Variants in EIF4G3 observed in about 807,000 individuals in gnomAD.
The protein encoded by EIF4G3 is eukaryotic translation initiation factor 4 gamma 3.
Under a neutral mutation model 186.4 loss-of-function variants are expected in EIF4G3, and 34 were observed. The observed-to-expected ratio is 0.18, with a 90% CI of 0.14 to 0.24. EIF4G3 has a LOEUF of 0.24. Among genes scored for constraint, EIF4G3 ranks in the 10% least tolerant of loss-of-function variants. The pLI is 1.00. For synonymous variants in EIF4G3, 673 were observed against 679.5 expected, an observed-to-expected ratio of 0.99 and a Z score of 0.15; for missense variants, 1,536 against 1,948.5, an observed-to-expected ratio of 0.79 and a Z score of 3.99.
chr1:20,818,562 A>G (rs1254065085), intron 33 of EIF4G3, among the ~76,000 whole-genome samples: 2 of 152,096 alleles, frequency 1.3e-5, no homozygotes, highest in Non-Finnish European at 1.5e-5. Context: ...GGATTGCTTG[A>G]GCATGGGAGG....
chr1:21,108,690 G>GCT (rs974212161), intron 2 of EIF4G3, among the ~76,000 whole-genome samples: 1 of 151,906 alleles, frequency 6.6e-6, no homozygotes, highest in Admixed American at 6.6e-5. Flanking sequence ...GATTACCTGA[G>GCT]CTCAGGTGTT....
At chr1:20,846,518 C>T (rs1348038047) in intron 29 of EIF4G3, among the ~76,000 whole-genome samples, 2 of 152,188 alleles carry the variant, frequency 1.3e-5, no homozygotes, top group African/African-American at 4.8e-5. Context: ...CATCAAATCA[C>T]ATAATTTTAG....
rs1421845981 is a variant in EIF4G3 at position 20,857,474 on chromosome 1, C to T, written c.3268G>A (p.Gly1090Arg). The T allele has an allele frequency of 1.9e-6, 3 of 1,614,148 alleles. No individual in the cohort carries two copies. Among genetic ancestry groups the T allele is most frequent in the South Asian group, 2.2e-5 (2 of 91,088 alleles). ...RPGVQRVDEG[G>R]WNTVQGAKNS... ...TTGGCCCCTTGTACAGTGTTCCACC[C>T]ACCTTCGTCCACTCTCTGGACACCT... is the stretch of plus-strand genomic sequence containing the variant. Residue 1090 changes from glycine to arginine, a missense_variant, in exon 25 of 37, where the codon GGG becomes AGG. Physicochemically the swap from Gly to Arg is moderately radical, Grantham distance 125. Coordinates refer to ENST00000602326, the MANE Select transcript of EIF4G3 (RefSeq NM_001391906.1).
chr1:21,079,453 A>T (rs1409148757), intron 3 of EIF4G3, among the ~76,000 whole-genome samples: 2 of 146,478 alleles, frequency 1.4e-5, no homozygotes, highest in Non-Finnish European at 3.0e-5. Context: ...AAATTGCTTG[A>T]GTTCAGGAGT....
intron 28 of EIF4G3, among the ~76,000 whole-genome samples, chr1:20,850,400 T>C (rs16824702): frequency 0.026 from 3,978 of 152,282 alleles, 169 homozygotes; most frequent in African/African-American, 0.089. Flanking sequence ...GTTACACCAA[T>C]TGGGAGAAGA....
intron 33 of EIF4G3, among the ~76,000 whole-genome samples, chr1:20,818,701 G>T (rs2061612569): frequency 6.6e-6 from 1 of 152,024 alleles, no homozygotes; most frequent in Admixed American, 6.6e-5. Context: ...CTAAAGAAAT[G>T]AAGTACATAG....
intron 4 of EIF4G3, among the ~76,000 whole-genome samples, chr1:21,015,491 G>C (rs901759946): frequency 5.9e-5 from 9 of 152,054 alleles, no homozygotes; most frequent in Non-Finnish European, 1.2e-4. Context: ...AAAAGTAAAA[G>C]ACAGGCTAGG....
intron 2 of EIF4G3, among the ~76,000 whole-genome samples, chr1:21,148,308 C>T (rs2097487828): frequency 6.6e-6 from 1 of 152,136 alleles, no homozygotes; most frequent in South Asian, 2.1e-4. Flanking sequence ...CGGGTCTAAA[C>T]AATCTGCCTA....
At chr1:20,842,156 A>G (rs1056932382) in intron 29 of EIF4G3, among the ~76,000 whole-genome samples, 2 of 152,180 alleles carry the variant, frequency 1.3e-5, no homozygotes, top group African/African-American at 2.4e-5. Flanking sequence ...TATAATGTCA[A>G]TAAAAATATT....
intron 2 of EIF4G3, among the ~76,000 whole-genome samples, chr1:21,122,718 T>G (rs555423788): frequency 6.6e-6 from 1 of 152,328 alleles, no homozygotes; most frequent in East Asian, 1.9e-4. Context: ...CACTTTCATG[T>G]AAGAAAATAA....
In EIF4G3 at chr1:20,810,811, G is replaced by A; in HGVS notation, c.4671C>T (p.Asp1557=). The A allele has an allele frequency of 6.2e-7, 1 of 1,614,112 alleles. No individual in the cohort carries two copies. The highest frequency in any genetic ancestry group is 8.5e-7 in the Non-Finnish European group (1 of 1,179,994). ...CTTGCAGTTCCTTCTCTGTATCTGA[G>A]TCTAGGTACTTGAGTAAGATCGGCA... ...QRVPILLKYL[D]SDTEKELQAL... The change falls in exon 36 of 37, where the codon GAC becomes GAT. Residue 1557 remains aspartate, a synonymous_variant. Coordinates refer to ENST00000602326, the MANE Select transcript of EIF4G3 (RefSeq NM_001391906.1). The surrounding 1 kb of genome is among the most constrained non-coding windows in gnomAD (Gnocchi z 4.1).
intron 12 of EIF4G3, among the ~76,000 whole-genome samples, chr1:20,966,015 G>A (rs952405148): frequency 2.0e-5 from 3 of 152,112 alleles, no homozygotes; most frequent in African/African-American, 4.8e-5. Context: ...TATTTCACAT[G>A]TACCACCACC....
chr1:21,079,191 T>C (rs981089607), intron 3 of EIF4G3, among the ~76,000 whole-genome samples: 2 of 152,148 alleles, frequency 1.3e-5, no homozygotes, highest in African/African-American at 4.8e-5. Context: ...AGAATATTGA[T>C]CAACCCAAGC....
intron 10 of EIF4G3, among the ~76,000 whole-genome samples, chr1:20,976,333 C>T (rs1032361085): frequency 1.3e-5 from 2 of 150,730 alleles, no homozygotes; most frequent in Non-Finnish European, 3.0e-5. Flanking sequence ...CCCTTCCCCC[C>T]ACCCCACAAC....
intron 27 of EIF4G3, among the ~76,000 whole-genome samples, chr1:20,853,157 T>C (rs1001990762): frequency 3.3e-5 from 5 of 152,154 alleles, no homozygotes; most frequent in Non-Finnish European, 2.9e-5. Flanking sequence ...TAGTGAAATA[T>C]GGAGACTAGC....
intron 2 of EIF4G3, among the ~76,000 whole-genome samples, chr1:21,144,028 A>G (rs1189223843): frequency 6.6e-6 from 1 of 152,230 alleles, no homozygotes; most frequent in Non-Finnish European, 1.5e-5. Context: ...ACACTATGCC[A>G]GACCCAAAAT....
chr1:20,988,555 A>C (rs1399325909), intron 7 of EIF4G3: 1 of 153,238 alleles, frequency 6.5e-6, no homozygotes, highest in African/African-American at 2.4e-5. Flanking sequence ...CCTATAAATA[A>C]AATAACAAAG....
intron 18 of EIF4G3, 86 bp downstream of exon 18, chr1:20,893,430 TA>T (rs2086818264): frequency 1.5e-6 from 2 of 1,369,560 alleles, no homozygotes; most frequent in Non-Finnish European, 2.0e-6. Flanking sequence ...AATCAACGAA[TA>T]AAAGCTGCTG....
chr1:20,914,604 T>TTTCTC (rs1240409012), intron 14 of EIF4G3, among the ~76,000 whole-genome samples: 1 of 152,210 alleles, frequency 6.6e-6, no homozygotes, highest in Non-Finnish European at 1.5e-5. Context: ...AATTAATGTG[T>TTTCTC]ATTGTTTAAG....
Sources: allele counts gnomAD v4.1 joint callset (sites outside exome capture counted in the v4.1 genomes callset), GRCh38; gene constraint gnomAD v4.1.1; non-coding constraint Gnocchi (gnomAD v3.1); transcripts MANE v1.5; gene names NCBI Gene and HGNC (gene_info 2026-07-23, HGNC 2026-07-21).